Variants in CADM4 observed in about 807,000 individuals in gnomAD.
The protein encoded by CADM4 is TSLC1-like 2.
A neutral mutation model predicts 43.9 loss-of-function variants in CADM4; 13 were observed. The ratio of observed to expected loss-of-function variants is 0.30; its 90% CI spans 0.19 to 0.47. The LOEUF is 0.47. CADM4 is among the 20% of genes least tolerant of loss of function. CADM4 has a pLI of 1.00. For missense variants in CADM4, 420 were observed against 527.0 expected (o/e 0.80, Z 1.99); for synonymous variants, 209 against 220.9 (o/e 0.95, Z 0.48).
At chr19:43,639,262 AAGAC>A (rs1973739932) in intron 1 of CADM4, among the ~76,000 whole-genome samples, 1 of 151,774 alleles carries the variant, frequency 6.6e-6, no homozygotes, top group Non-Finnish European at 1.5e-5. Flanking sequence ...GTAGGGGACA[AAGAC>A]AGAATAGATG....
chr19:43,628,347 A>G lies in CADM4; in HGVS notation c.65-557T>C, dbSNP rs185427377. Among the ~76,000 whole-genome samples the G allele has an allele frequency of 6.0e-3, 912 of 151,916 alleles. 4 individuals are homozygous for G. Among genetic ancestry groups the G allele is most frequent in the African/African-American group, 0.021 (872 of 41,420 alleles). ...CTACTCGGGAGGCTGAGGCAGGGGA[A>G]TCGCTTGAACCCGGGAGTTGGAAGT... On this transcript the variant is annotated intron_variant, in intron 1 of 8. Coordinates refer to ENST00000222374, the MANE Select transcript of CADM4 (RefSeq NM_145296.2).
intron 1 of CADM4, among the ~76,000 whole-genome samples, chr19:43,633,660 CTCTCTCTTTCTT>C (rs1214583672): frequency 6.8e-6 from 1 of 147,740 alleles, no homozygotes; most frequent in Non-Finnish European, 1.5e-5. Flanking sequence ...CTCTCTTTCT[CTCTCTCTTTCTT>C]TCTCTTTCTT....
rs1973465860 is a variant in CADM4 at position 43,623,181 on chromosome 19, C to T, written c.*149G>A. The stretch of plus-strand genomic sequence containing the variant: ...ACAGAGATCCAGGCATCCAACACCC[C>T]CATCCCTGCCCAAGCGTCTGAGGTG... On this transcript the variant is annotated 3_prime_UTR_variant, in exon 9 of 9. Transcript: ENST00000222374. This position sits in a 1 kb window ranked among gnomAD's most constrained non-coding sequence, Gnocchi z 4.4. The T allele has an allele frequency of 4.6e-6, 3 of 655,438 alleles. No homozygotes were observed. The highest frequency in any genetic ancestry group is 5.5e-6 in the Non-Finnish European group (2 of 364,912). The allele number at this position is 655,438 out of a possible 1,614,324, so 40.6% of individuals were successfully genotyped here. A position where few individuals can be genotyped will look rare whatever the true frequency, so the allele number is the denominator to read the frequency against.
chr19:43,638,146 AAGAC>A (rs761720401), intron 1 of CADM4, among the ~76,000 whole-genome samples: 1 of 152,256 alleles, frequency 6.6e-6, no homozygotes, highest in Non-Finnish European at 1.5e-5. Flanking sequence ...AGAAGAAAGA[AAGAC>A]AGTGAGAGGA....
chr19:43,630,348 C>T lies in CADM4; in HGVS notation c.65-2558G>A, dbSNP rs1973603401. On this transcript the variant is annotated intron_variant, in intron 1 of 8. Transcript: ENST00000222374. ...TCGCCCAGGCTAGAGTGCAGTGGTACGATCTCGGCTCACTGCAACCTCCAC... is the reference window on the plus strand; with the variant it reads ...TCGCCCAGGCTAGAGTGCAGTGGTATGATCTCGGCTCACTGCAACCTCCAC... 4.8e-5 allele frequency among the ~76,000 whole-genome samples: 6 copies of T among 124,938 alleles called. No individual in the cohort carries two copies. The South Asian group carries it at 1.5e-3, about 32-fold the overall frequency. The allele number at this position is 124,938 out of a possible 152,430, so 82.0% of individuals were successfully genotyped here. A position where few individuals can be genotyped will look rare whatever the true frequency, so the allele number is the denominator to read the frequency against.
rs1973474535 is a variant in CADM4 at position 43,623,593 on chromosome 19, A to C, written c.1058-154T>G. Among the ~76,000 whole-genome samples the C allele has an allele frequency of 6.6e-6, 1 of 152,058 alleles. No individual in the cohort carries two copies. Among genetic ancestry groups the C allele is most frequent in the South Asian group, 2.1e-4 (1 of 4,830 alleles). The stretch of plus-strand genomic sequence containing the variant: ...CACAGGGAGAGGCAGAGAAAGAGGT[A>C]AACAGTGGCAGAGAAAGAGGTAAAA... On this transcript the variant is annotated intron_variant, in intron 8 of 8. Transcript: ENST00000222374. The surrounding 1 kb of genome is among the most constrained non-coding windows in gnomAD (Gnocchi z 4.4).
At chr19:43,629,890 T>G (rs959857148) in intron 1 of CADM4, among the ~76,000 whole-genome samples, 1 of 151,866 alleles carries the variant, frequency 6.6e-6, no homozygotes, top group Admixed American at 6.6e-5. Flanking sequence ...GTCCAGGGAT[T>G]ACAGGTGCGA....
At position 43,628,360 on chromosome 19, in the gene CADM4, G is replaced by A. The variant is rs577936175; in HGVS notation, c.65-570C>T. On this transcript the variant is annotated intron_variant, in intron 1 of 8. Transcript: ENST00000222374. ...TGAGGCAGGGGAATCGCTTGAACCC[G>A]GGAGTTGGAAGTTGCAGTGAGCCGA... 2.6e-4 allele frequency among the ~76,000 whole-genome samples: 40 copies of A among 151,880 alleles called. 1 individual carries two copies. In the South Asian group the frequency reaches 5.6e-3, roughly 21 times the overall value.
At chr19:43,631,883 G>A (rs903689696) in intron 1 of CADM4, among the ~76,000 whole-genome samples, 1 of 152,122 alleles carries the variant, frequency 6.6e-6, no homozygotes, top group Non-Finnish European at 1.5e-5. Context: ...TTATGTTTTA[G>A]TGTAACGCTT....
chr19:43,627,814 G>A lies in CADM4; in HGVS notation c.65-24C>T. 1 of 1,586,978 alleles carries A rather than the reference G, an allele frequency of 6.3e-7. No individual in the cohort carries two copies. Among genetic ancestry groups the A allele is most frequent in the Non-Finnish European group, 8.6e-7 (1 of 1,159,474 alleles). ...CCCTGGACGATTAGACAAAGAGACAGGATAGAAGACTTACTGAGAGCTGCA... is the reference window on the plus strand; with the variant it reads ...CCCTGGACGATTAGACAAAGAGACAAGATAGAAGACTTACTGAGAGCTGCA... On this transcript the variant is annotated intron_variant, in intron 1 of 8. Coordinates refer to ENST00000222374, the MANE Select transcript of CADM4 (RefSeq NM_145296.2). The surrounding 1 kb of genome is among the most constrained non-coding windows in gnomAD (Gnocchi z 4.0).
At chr19:43,636,137 C>T (rs1973701060) in intron 1 of CADM4, among the ~76,000 whole-genome samples, 1 of 152,130 alleles carries the variant, frequency 6.6e-6, no homozygotes, top group Admixed American at 6.5e-5. Context: ...ACAGTCCTGC[C>T]TTTCCTCAAT....
intron 1 of CADM4, among the ~76,000 whole-genome samples, chr19:43,629,466 T>C (rs1022201466): frequency 2.6e-5 from 4 of 152,162 alleles, no homozygotes; most frequent in Admixed American, 2.0e-4. Flanking sequence ...TCATCAGCAT[T>C]AATATCATCA....
In CADM4 at chr19:43,625,847, G is replaced by A; in HGVS notation, c.755+64C>T. 7.2e-7 allele frequency: 1 copy of A among 1,388,738 alleles called. No individual in the cohort carries two copies. Among genetic ancestry groups the A allele is most frequent in the Non-Finnish European group, 1.0e-6 (1 of 980,094 alleles). The allele number at this position is 1,388,738 out of a possible 1,614,324, so 86.0% of individuals were successfully genotyped here. A position where few individuals can be genotyped will look rare whatever the true frequency, so the allele number is the denominator to read the frequency against. On this transcript the variant is annotated intron_variant, in intron 6 of 8. Coordinates refer to ENST00000222374, the MANE Select transcript of CADM4 (RefSeq NM_145296.2). This position sits in a 1 kb window ranked among gnomAD's most constrained non-coding sequence, Gnocchi z 4.5. ...TAGGACCCAGGAGTCCAAGTCCCTG[G>A]TCCCTGTTCTTCCAGGTCCCCAGCT...
upstream of CADM4, chr19:43,639,857 C>A (rs975690031): frequency 1.0e-6 from 1 of 976,724 alleles, no homozygotes; most frequent in Non-Finnish European, 1.2e-6. Context: ...CGCCGCCCGC[C>A]CCGCCCCCCG....
rs1311078479 is a variant in CADM4, at chr19:43,627,189, T to C, written c.341A>G (p.Gln114Arg). Residue 114 changes from glutamine (Q) to arginine (R), a missense_variant, in exon 3 of 9, where the codon CAG (glutamine) becomes CGG (arginine). Gln to Arg is a conservative substitution (Grantham distance 43). Transcript: ENST00000222374. The surrounding 1 kb of genome is among the most constrained non-coding windows in gnomAD (Gnocchi z 4.0). ...CQLYTEDTHH[Q>R]IATLTVLVAP... ...ACCTAGTACCGTGAGCGTGGCAATC[T>C]GGTGGTGGGTGTCTTCTGTGTAGAG... 1.2e-6 allele frequency: 2 copies of C among 1,603,326 alleles called. No homozygotes were observed. Among genetic ancestry groups the C allele is most frequent in the Admixed American group, 3.4e-5 (2 of 58,440 alleles).
chr19:43,627,270 AC>A lies in CADM4; in HGVS notation c.259del (p.Val87CysfsTer35). 2.5e-6 allele frequency: 4 copies of A among 1,611,694 alleles called. No individual in the cohort carries two copies. Among genetic ancestry groups the A allele is most frequent in the Non-Finnish European group, 3.4e-6 (4 of 1,178,700 alleles). On this transcript the variant is annotated frameshift_variant, in exon 3 of 9. Transcript: ENST00000222374. LOFTEE classifies it high-confidence loss of function. This position sits in a 1 kb window ranked among gnomAD's most constrained non-coding sequence, Gnocchi z 4.0. ...GCGGGCATCTGAGAGCCGGATCCGCACCCGGCGTGGGGAGAACTCCTCAAGC... is the reference window on the plus strand; with the variant it reads ...GCGGGCATCTGAGAGCCGGATCCGCACCGGCGTGGGGAGAACTCCTCAAGC... ...FQLEEFSPRRVRIRLSDARLE... is the reference protein window; with the variant it reads ...FQLEEFSPRRXRIRLSDARLE...
At chr19:43,637,144 G>C (rs1194182051) in intron 1 of CADM4, among the ~76,000 whole-genome samples, 2 of 152,140 alleles carry the variant, frequency 1.3e-5, no homozygotes, top group African/African-American at 4.8e-5. Flanking sequence ...CCTTCTTTGG[G>C]CATAAATCTC....
chr19:43,634,945 GCC>G (rs1215761633), intron 1 of CADM4, among the ~76,000 whole-genome samples: 1 of 151,704 alleles, frequency 6.6e-6, no homozygotes, highest in African/African-American at 2.4e-5. Context: ...CAGACCCCTA[GCC>G]CCCTTCTCGA....
chr19:43,641,031 C>G (rs1365939980), upstream of CADM4, among the ~76,000 whole-genome samples: 2 of 149,806 alleles, frequency 1.3e-5, no homozygotes, highest in Non-Finnish European at 3.0e-5. Context: ...TGCAGTGGCA[C>G]GATCTCGACT....
Sources: allele counts gnomAD v4.1 joint callset (sites outside exome capture counted in the v4.1 genomes callset), GRCh38; gene constraint gnomAD v4.1.1; non-coding constraint Gnocchi (gnomAD v3.1); transcripts MANE v1.5; gene names NCBI Gene and HGNC (gene_info 2026-07-23, HGNC 2026-07-21).